Variants in HPGD observed in about 807,000 individuals in gnomAD.
The protein encoded by HPGD is 15-hydroxyprostaglandin dehydrogenase, also known as 15-hydroxyprostaglandin dehydrogenase [NAD(+)].
HPGD carries 29 observed loss-of-function variants against 30.0 expected under a neutral mutation model. The observed-to-expected ratio is 0.97, with a 90% CI of 0.72 to 1.32. The LOEUF (loss-of-function observed/expected upper bound fraction) is 1.32, where lower values mean the gene tolerates loss of function less well. Ranked by LOEUF, HPGD falls within the 40% of genes most tolerant of loss-of-function variation. HPGD has a pLI of 0.00. For missense variants in HPGD, 340 were observed against 322.1 expected (o/e 1.06, Z -0.43); for synonymous variants, 99 against 112.4 (o/e 0.88, Z 0.75).
intron 2 of HPGD, among the ~76,000 whole-genome samples, chr4:174,519,374 C>T (rs528989692): frequency 3.9e-5 from 6 of 152,062 alleles, no homozygotes; most frequent in African/African-American, 1.2e-4. Context: ...CCACCACGCC[C>T]GGCTAATTTT....
intron 3 of HPGD, among the ~76,000 whole-genome samples, chr4:174,512,657 C>T (rs947684390): frequency 2.3e-4 from 35 of 152,250 alleles, no homozygotes; most frequent in African/African-American, 7.5e-4. Context: ...ACTCTTGCAA[C>T]GGGTTTAGGT....
At chr4:174,518,389 G>T (rs1735904086) in intron 2 of HPGD, among the ~76,000 whole-genome samples, 1 of 152,124 alleles carries the variant, frequency 6.6e-6, no homozygotes, top group Admixed American at 6.5e-5. Context: ...ACTTAATGGG[G>T]TACATTTTAG....
At chr4:174,517,310 C>G (rs1184706431) in intron 3 of HPGD, among the ~76,000 whole-genome samples, 1 of 151,908 alleles carries the variant, frequency 6.6e-6, no homozygotes, top group Non-Finnish European at 1.5e-5. Context: ...CACGAACTTT[C>G]AGGATAAAAA....
intron 2 of HPGD, among the ~76,000 whole-genome samples, chr4:174,520,410 C>G (rs1736043930): frequency 6.6e-6 from 1 of 152,200 alleles, no homozygotes; most frequent in African/African-American, 2.4e-5. Flanking sequence ...ATAATTTCCA[C>G]ACTGTCTAAA....
At chr4:174,519,549 G>A in intron 2 of HPGD, among the ~76,000 whole-genome samples, 1 of 152,082 alleles carries the variant, frequency 6.6e-6, no homozygotes, top group Non-Finnish European at 1.5e-5. Context: ...TAAATGGCCT[G>A]TTCCTGCCTT....
chr4:174,507,207 A>G (rs946376616), intron 4 of HPGD: 2 of 152,260 alleles, frequency 1.3e-5, no homozygotes, highest in African/African-American at 4.8e-5. Context: ...CTTTTAAAGT[A>G]TCATTAGGAT....
At chr4:174,497,105 C>T (rs1394537362) in intron 4 of HPGD, among the ~76,000 whole-genome samples, 1 of 152,188 alleles carries the variant, frequency 6.6e-6, no homozygotes, top group African/African-American at 2.4e-5. Flanking sequence ...TTAGTCCCTG[C>T]TTTACCCATT....
chr4:174,508,917 G>T (rs1246693903), intron 3 of HPGD, 125 bp from the exon 4 acceptor site: 2 of 695,792 alleles, frequency 2.9e-6, no homozygotes, highest in Admixed American at 4.1e-5. Context: ...ATCAATGAAA[G>T]GTTTTAAAAG....
At chr4:174,505,455 T>C (rs1049568977) in intron 4 of HPGD, among the ~76,000 whole-genome samples, 1 of 152,232 alleles carries the variant, frequency 6.6e-6, no homozygotes, top group African/African-American at 2.4e-5. Flanking sequence ...ATTTTTGTGC[T>C]CTCACCTCTT....
rs1055851560 is a variant in HPGD at position 174,521,866 on chromosome 4, C to T, written c.217+78G>A. On this transcript the variant is annotated intron_variant, in intron 2 of 6. Coordinates refer to ENST00000296522, the MANE Select transcript of HPGD (RefSeq NM_000860.6). ...GAGGCAGCGGAGGCGGCACCCAGGG[C>T]CCCCTGGCCGGGCTGCCTTCAGGTT... The T allele has an allele frequency of 7.7e-6, 12 of 1,568,320 alleles. No homozygotes were observed. The East Asian group carries it at 2.0e-4, about 26-fold the overall frequency.
At chr4:174,513,878 T>A (rs1252610439) in intron 3 of HPGD, among the ~76,000 whole-genome samples, 1 of 151,996 alleles carries the variant, frequency 6.6e-6, no homozygotes, top group African/African-American at 2.4e-5. Context: ...TTGCAATCAT[T>A]AGCAACTTAT....
chr4:174,522,707 C>G (rs1329330230), upstream of HPGD: 1 of 429,876 alleles, frequency 2.3e-6, no homozygotes, highest in Admixed American at 4.4e-5. Flanking sequence ...TCCCCTCAGC[C>G]TCTGGCTCCG....
In HPGD at chr4:174,508,696, C is replaced by T. The variant is rs886059255; in HGVS notation, c.421G>A (p.Gly141Arg). 7 of 1,568,988 alleles carry T rather than the reference C, an allele frequency of 4.5e-6. No individual in the cohort carries two copies. The highest frequency in any genetic ancestry group is 3.3e-5 in the South Asian group (3 of 90,182). Residue 141 changes from glycine (G) to arginine (R), a missense_variant and splice_region_variant, in exon 4 of 7, where the codon GGA (glycine) becomes AGA (arginine). By Grantham distance (125) the Gly-to-Arg change is moderately radical. Coordinates refer to ENST00000296522, the MANE Select transcript of HPGD (RefSeq NM_000860.6). ...GIIINMSSLA[G>R]LMPVAQQPVY... ...CATTTAATGTAATAATTGCCCTTAC[C>T]TGCTAAAGATGACATATTGATAATG... is the stretch of plus-strand genomic sequence containing the variant.
rs2110772590 is a variant in HPGD at position 174,494,137 on chromosome 4, A to T, written c.499-823T>A. Reference sequence around the variant, plus strand: ...GTGTAGTGTTCCTTAGTGTAAGAAGACTGATGTCCTGTACAGAAAATATTT... The same window carrying T: ...GTGTAGTGTTCCTTAGTGTAAGAAGTCTGATGTCCTGTACAGAAAATATTT... On this transcript the variant is annotated intron_variant, in intron 5 of 6. Coordinates refer to ENST00000296522, the MANE Select transcript of HPGD (RefSeq NM_000860.6). The surrounding 1 kb of genome is among the most constrained non-coding windows in gnomAD (Gnocchi z 4.9). Among the ~76,000 whole-genome samples, 1 of 152,286 alleles carries T rather than the reference A, an allele frequency of 6.6e-6. No individual in the cohort carries two copies. The highest frequency in any genetic ancestry group is 1.9e-4 in the East Asian group (1 of 5,178).
intron 3 of HPGD, among the ~76,000 whole-genome samples, chr4:174,516,229 C>A (rs80240117): frequency 6.6e-6 from 1 of 151,942 alleles, no homozygotes; most frequent in Non-Finnish European, 1.5e-5. Flanking sequence ...ATAGCAAAGA[C>A]GGAATCAACC....
intron 3 of HPGD, among the ~76,000 whole-genome samples, chr4:174,510,052 A>G (rs1579292573): frequency 1.3e-5 from 2 of 152,132 alleles, no homozygotes; most frequent in Admixed American, 1.3e-4. Context: ...CTTAATTCCT[A>G]TTTTTTTCAT....
In HPGD at chr4:174,490,832, T is replaced by C. The variant is rs1473432510; in HGVS notation, c.*1124A>G. On this transcript the variant is annotated 3_prime_UTR_variant, in exon 7 of 7. Coordinates refer to ENST00000296522, the MANE Select transcript of HPGD (RefSeq NM_000860.6). The surrounding 1 kb of genome is among the most constrained non-coding windows in gnomAD (Gnocchi z 4.4). The stretch of plus-strand genomic sequence containing the variant: ...ATATTTTTTTGAGAAAACGACTGAT[T>C]TGGAAATCTTGTGCTTTCACTGTTA... 1.3e-5 allele frequency: 2 copies of C among 152,316 alleles called. No homozygotes were observed. Among genetic ancestry groups the C allele is most frequent in the Non-Finnish European group, 2.9e-5 (2 of 68,008 alleles). 9.4% of individuals were successfully genotyped at this position (152,316 alleles called of 1,614,324 possible).
chr4:174,519,928 A>G (rs1200173102), intron 2 of HPGD, among the ~76,000 whole-genome samples: 2 of 152,056 alleles, frequency 1.3e-5, no homozygotes, highest in Non-Finnish European at 2.9e-5. Flanking sequence ...CGGCCTCCCA[A>G]ACTGCTGGGA....
Position 174,491,607 on chromosome 4 carries a change from A to C in HPGD, c.*349T>G. On this transcript the variant is annotated 3_prime_UTR_variant, in exon 7 of 7. Transcript: ENST00000296522. ...CTGGTTTGATTTAAATAACAATTCA[A>C]GTATCTCCTTTAAAATGATGTTCTG... The C allele has an allele frequency of 4.8e-6, 1 of 209,436 alleles. No individual in the cohort carries two copies. Among genetic ancestry groups the C allele is most frequent in the Non-Finnish European group, 9.8e-6 (1 of 102,448 alleles). The allele number at this position is 209,436 out of a possible 1,614,324, so 13.0% of individuals were successfully genotyped here.
Sources: allele counts gnomAD v4.1 joint callset (sites outside exome capture counted in the v4.1 genomes callset), GRCh38; gene constraint gnomAD v4.1.1; non-coding constraint Gnocchi (gnomAD v3.1); transcripts MANE v1.5; gene names NCBI Gene and HGNC (gene_info 2026-07-23, HGNC 2026-07-21).